The following RCC1 variants were observed in gnomAD, a reference collection of about 807,000 sequenced individuals.
The protein encoded by RCC1 is regulator of chromosome condensation 1.
RCC1 carries 11 observed loss-of-function variants against 44.4 expected under a neutral mutation model. That is an observed-to-expected ratio of 0.25 (90% CI 0.16 to 0.41). RCC1 has a LOEUF of 0.41. RCC1 is among the 10% of genes least tolerant of loss of function. The probability of loss-of-function intolerance (pLI) is 1.00; values close to 1 mark genes in which losing one functional copy is unlikely to be tolerated. For missense variants in RCC1, 386 were observed against 547.1 expected, an observed-to-expected ratio of 0.71 and a Z score of 2.94; for synonymous variants, 213 against 216.5, an observed-to-expected ratio of 0.98 and a Z score of 0.14.
At chr1:28,515,328 T>C (rs929563302) in intron 3 of RCC1, among the ~76,000 whole-genome samples, 2 of 152,002 alleles carry the variant, frequency 1.3e-5, no homozygotes, top group Middle Eastern at 3.4e-3. Context: ...TGCACATCTG[T>C]GGTCCCAGCT....
chr1:28,537,207 C>T (rs148087425), intron 12 of RCC1, among the ~76,000 whole-genome samples: 38 of 152,244 alleles, frequency 2.5e-4, no homozygotes, highest in Middle Eastern at 3.4e-3. Flanking sequence ...CCAGGCTGCT[C>T]TCTCCCCTCA....
At chr1:28,529,510 C>CA (rs879550854) in intron 4 of RCC1, among the ~76,000 whole-genome samples, 2 of 151,934 alleles carry the variant, frequency 1.3e-5, no homozygotes, top group Non-Finnish European at 2.9e-5. Flanking sequence ...GCTTGTTTTA[C>CA]TTGGCAATGG....
chr1:28,508,799 A>G, intron 2 of RCC1, 31 bp from the exon 3 acceptor site: 1 of 518,382 alleles, frequency 1.9e-6, no homozygotes, highest in South Asian at 1.4e-5. Context: ...TAGGATCTTC[A>G]GGAGTCTAAT....
intron 12 of RCC1, among the ~76,000 whole-genome samples, 159 bp downstream of exon 12, chr1:28,537,058 T>C (rs1341768660): frequency 6.6e-6 from 1 of 152,090 alleles, no homozygotes; most frequent in Admixed American, 6.6e-5. Context: ...AGCTCTGGCA[T>C]TGATGAATAT....
intron 1 of RCC1, chr1:28,507,307 A>G (rs2124590240): frequency 2.0e-6 from 1 of 511,092 alleles, no homozygotes; most frequent in South Asian, 1.4e-5. Context: ...CTGTAGTAAC[A>G]TGAATGGATG....
chr1:28,519,126 T>G (rs1570181390), intron 4 of RCC1, among the ~76,000 whole-genome samples: 1 of 151,810 alleles, frequency 6.6e-6, no homozygotes, highest in South Asian at 2.1e-4. Context: ...TTGAATGGGG[T>G]TTTGAAGGAA....
In RCC1 at chr1:28,536,251, C is replaced by T. The variant is rs1370948093; in HGVS notation, c.818-11C>T. On this transcript the variant is annotated splice_polypyrimidine_tract_variant and intron_variant, in intron 10 of 12. Transcript: ENST00000683442. This position sits in a 1 kb window ranked among gnomAD's most constrained non-coding sequence, Gnocchi z 4.9. ...CACCTTCACCCCTGATGGCTCCGGC[C>T]TTTCCCCCAGGAACTCCGGGCACAG... 1 of 1,613,526 alleles carries T rather than the reference C, an allele frequency of 6.2e-7. No homozygotes were observed.
intron 5 of RCC1, chr1:28,530,711 C>T (rs935666873): frequency 2.1e-4 from 202 of 943,066 alleles, no homozygotes; most frequent in Non-Finnish European, 2.9e-4. Flanking sequence ...ATTGGCTGCC[C>T]GGGGCTGCGG....
intron 3 of RCC1, 79 bp from the exon 4 acceptor site, chr1:28,516,646 T>A (rs182956614): frequency 2.6e-4 from 68 of 266,290 alleles, no homozygotes; most frequent in African/African-American, 1.4e-3. Context: ...CTGACATGGA[T>A]GTTTCTGTAG....
At chr1:28,514,664 G>A (rs1269024489) in intron 3 of RCC1, among the ~76,000 whole-genome samples, 3 of 152,006 alleles carry the variant, frequency 2.0e-5, no homozygotes, top group Admixed American at 6.6e-5. Flanking sequence ...GGGATGCTGA[G>A]GCAGGAGAAT....
chr1:28,523,179 C>T (rs1274881703), intron 4 of RCC1, among the ~76,000 whole-genome samples: 1 of 151,732 alleles, frequency 6.6e-6, no homozygotes, highest in South Asian at 2.1e-4. Context: ...CTACAAGCGC[C>T]CGCCACCACG....
At chr1:28,530,547 G>T (rs1187249116) in intron 5 of RCC1, 2 of 1,605,538 alleles carry the variant, frequency 1.2e-6, no homozygotes, top group Non-Finnish European at 1.7e-6. Context: ...GCCTCCCGCC[G>T]CGTTCCTGGC....
intron 3 of RCC1, chr1:28,510,856 C>G (rs1046294939): frequency 6.6e-6 from 1 of 152,258 alleles, no homozygotes; most frequent in African/African-American, 2.4e-5. Context: ...GCTGTAACTA[C>G]ATAGATCTCA....
chr1:28,532,460 G>A, intron 7 of RCC1, 110 bp downstream of exon 7: 1 of 1,228,886 alleles, frequency 8.1e-7, no homozygotes, highest in Non-Finnish European at 1.1e-6. Flanking sequence ...GTGGGGAGAT[G>A]AAAGCCCACA....
chr1:28,511,996 T>G (rs1303129000), intron 3 of RCC1, among the ~76,000 whole-genome samples: 6 of 119,224 alleles, frequency 5.0e-5, no homozygotes, highest in Non-Finnish European at 8.8e-5. Flanking sequence ...TTTTTTTTTT[T>G]GAGATGGAGT....
intron 1 of RCC1, chr1:28,507,138 T>A (rs1255326127): frequency 3.7e-6 from 1 of 270,332 alleles, no homozygotes; most frequent in Non-Finnish European, 7.5e-6. Context: ...TGGGCCTAAT[T>A]GTTGTCTTTG....
At chr1:28,529,122 A>C (rs1309282466) in intron 4 of RCC1, among the ~76,000 whole-genome samples, 2 of 127,506 alleles carry the variant, frequency 1.6e-5, no homozygotes, top group Admixed American at 8.5e-5. Context: ...TGATCCACCC[A>C]CCTTGGCCTC....
intron 7 of RCC1, among the ~76,000 whole-genome samples, chr1:28,534,725 G>A (rs566306184): frequency 5.9e-5 from 9 of 152,294 alleles, no homozygotes; most frequent in Admixed American, 2.0e-4. Context: ...TGCCCACCTG[G>A]GCCTACCAAA....
At chr1:28,509,534 C>T (rs41264145) in intron 3 of RCC1, 16,155 of 152,298 alleles carry the variant, frequency 0.11, 1,194 homozygotes, top group Non-Finnish European at 0.16. Flanking sequence ...CCACCCTGCC[C>T]GGCCACTTTT....
Sources: gnomAD v4.1 joint callset for allele counts (sites outside exome capture counted in the v4.1 genomes callset) on GRCh38, gnomAD v4.1.1 for gene constraint, Gnocchi (gnomAD v3.1) non-coding constraint, MANE v1.5 for transcripts, NCBI Gene and HGNC (gene_info 2026-07-23, HGNC 2026-07-21) for gene names.